Variants in CNTNAP5 observed in about 807,000 individuals in gnomAD.
CNTNAP5 encodes contactin associated protein family member 5.
A neutral mutation model predicts 150.2 loss-of-function variants in CNTNAP5; 72 were observed. That is an observed-to-expected ratio of 0.48 (90% CI 0.40 to 0.58). CNTNAP5 has a LOEUF of 0.58. Ranked by LOEUF, CNTNAP5 falls within the 20% of genes least tolerant of loss-of-function variation. The pLI is 0.00. For missense variants in CNTNAP5, 1,636 were observed against 1,626.2 expected (o/e 1.01, Z -0.10); for synonymous variants, 672 against 619.8 (o/e 1.08, Z -1.25).
intron 1 of CNTNAP5, among the ~76,000 whole-genome samples, chr2:124,079,906 C>G (rs549022847): frequency 6.6e-6 from 1 of 152,262 alleles, no homozygotes; most frequent in East Asian, 1.9e-4. Flanking sequence ...GTCTTCCTAT[C>G]CATAAAACAT....
chr2:124,850,670 A>C (rs908808666), intron 19 of CNTNAP5, among the ~76,000 whole-genome samples: 2 of 152,220 alleles, frequency 1.3e-5, no homozygotes, highest in Non-Finnish European at 1.5e-5. Flanking sequence ...TTGATAGAGA[A>C]GTTCCTAGAC....
At chr2:124,415,744 G>A (rs1229330370) in intron 3 of CNTNAP5, among the ~76,000 whole-genome samples, 3 of 152,146 alleles carry the variant, frequency 2.0e-5, no homozygotes, top group Admixed American at 6.5e-5. Flanking sequence ...TGATGAAAAC[G>A]TTCTGGGGAA....
intron 1 of CNTNAP5, among the ~76,000 whole-genome samples, chr2:124,187,125 C>G (rs1388549525): frequency 1.3e-5 from 2 of 151,658 alleles, no homozygotes; most frequent in Non-Finnish European, 2.9e-5. Context: ...CACAGTTCTT[C>G]AAATGCAATA....
chr2:124,568,492 C>T (rs1219116735), intron 11 of CNTNAP5, among the ~76,000 whole-genome samples: 1 of 152,164 alleles, frequency 6.6e-6, no homozygotes, highest in African/African-American at 2.4e-5. Context: ...AAAGCACTTT[C>T]CCCTAGAGAA....
At chr2:124,898,331 G>A (rs183463158) in intron 21 of CNTNAP5, among the ~76,000 whole-genome samples, 20 of 151,324 alleles carry the variant, frequency 1.3e-4, no homozygotes, top group Admixed American at 3.9e-4. Context: ...TGTTTTTAGC[G>A]AATTTCTGAT....
chr2:124,688,480 T>A (rs543001594), intron 13 of CNTNAP5, among the ~76,000 whole-genome samples: 2 of 152,064 alleles, frequency 1.3e-5, no homozygotes, highest in African/African-American at 4.8e-5. Context: ...ATGACTATTT[T>A]AGAAAAAGGA....
intron 10 of CNTNAP5, among the ~76,000 whole-genome samples, chr2:124,555,283 T>C (rs1695725891): frequency 6.6e-6 from 1 of 152,198 alleles, no homozygotes; most frequent in South Asian, 2.1e-4. Context: ...TGGAAACTTC[T>C]GGGCTTAAAA....
At position 124,891,060 on chromosome 2, in the gene CNTNAP5, A is replaced by C. The variant is rs145155467; in HGVS notation, c.3437-11822A>C. ...ACCACCTCATAATTTAGTAGCTTAA[A>C]CCAGTATCCATTTTATAATATCTCA... On this transcript the variant is annotated intron_variant, in intron 21 of 23. Transcript: ENST00000682447. 2.0e-5 allele frequency among the ~76,000 whole-genome samples: 3 copies of C among 152,210 alleles called. No individual in the cohort carries two copies. The East Asian group carries it at 5.8e-4, about 29-fold the overall frequency.
At chr2:124,092,719 G>C (rs948947216) in intron 1 of CNTNAP5, among the ~76,000 whole-genome samples, 1 of 152,198 alleles carries the variant, frequency 6.6e-6, no homozygotes, top group Non-Finnish European at 1.5e-5. Flanking sequence ...AGGCCATGGA[G>C]ACTGAGGTAC....
chr2:124,772,165 G>A (rs2104610552), intron 16 of CNTNAP5, among the ~76,000 whole-genome samples: 1 of 152,140 alleles, frequency 6.6e-6, no homozygotes, highest in Middle Eastern at 3.4e-3. Context: ...TCATCAGTAT[G>A]CTTACTTCTG....
chr2:124,080,269 T>A (rs1682530356), intron 1 of CNTNAP5, among the ~76,000 whole-genome samples: 1 of 152,326 alleles, frequency 6.6e-6, no homozygotes, highest in Admixed American at 6.5e-5. Context: ...GGAAAATTAA[T>A]GTAAAATATT....
At chr2:124,208,812 A>T (rs553617123) in intron 1 of CNTNAP5, among the ~76,000 whole-genome samples, 1 of 152,340 alleles carries the variant, frequency 6.6e-6, no homozygotes, top group South Asian at 2.1e-4. Context: ...CATGTTCTAA[A>T]TATCATTTCC....
At chr2:124,331,105 T>A (rs372462140) in intron 3 of CNTNAP5, among the ~76,000 whole-genome samples, 54 of 152,196 alleles carry the variant, frequency 3.5e-4, no homozygotes, top group East Asian at 2.5e-3. Flanking sequence ...AGACAACAGT[T>A]TATAATTAAT....
intron 3 of CNTNAP5, among the ~76,000 whole-genome samples, chr2:124,297,923 C>G (rs1688482392): frequency 6.6e-6 from 1 of 151,496 alleles, no homozygotes; most frequent in Non-Finnish European, 1.5e-5. Flanking sequence ...TGGCTCACTG[C>G]AACCTCCGCC....
At position 124,288,670 on chromosome 2, in the gene CNTNAP5, G is replaced by A. The variant is rs141289033; in HGVS notation, c.381+46277G>A. On this transcript the variant is annotated intron_variant, in intron 3 of 23. Coordinates refer to ENST00000682447, the MANE Select transcript of CNTNAP5 (RefSeq NM_001367498.1). ...ATTAAATTAAACCCTTGAAACCCCC[G>A]TCTCTCAAGTGATTTTCCACTCCCT... is the stretch of plus-strand genomic sequence containing the variant. Among the ~76,000 whole-genome samples, 622 of 152,092 alleles carry A rather than the reference G, an allele frequency of 4.1e-3. 2 individuals carry two copies. Among genetic ancestry groups the A allele is most frequent in the African/African-American group, 0.011 (440 of 41,494 alleles).
At chr2:124,120,236 C>G (rs1243549012) in intron 1 of CNTNAP5, among the ~76,000 whole-genome samples, 3 of 152,174 alleles carry the variant, frequency 2.0e-5, no homozygotes, top group Admixed American at 2.0e-4. Flanking sequence ...TGCTCCCCAA[C>G]CGAGGTCCTC....
chr2:124,533,562 C>G (rs1695161744), intron 10 of CNTNAP5, among the ~76,000 whole-genome samples: 1 of 152,160 alleles, frequency 6.6e-6, no homozygotes, highest in African/African-American at 2.4e-5. Flanking sequence ...CCTAGGGCCT[C>G]AAGCAGCTAC....
intron 3 of CNTNAP5, among the ~76,000 whole-genome samples, chr2:124,330,155 T>C (rs1001612792): frequency 6.6e-6 from 1 of 152,142 alleles, no homozygotes; most frequent in African/African-American, 2.4e-5. Flanking sequence ...AAATCCTTTA[T>C]TCAAGGTATG....
At chr2:124,601,576 G>A (rs1164793883) in intron 11 of CNTNAP5, among the ~76,000 whole-genome samples, 1 of 152,150 alleles carries the variant, frequency 6.6e-6, no homozygotes, top group Non-Finnish European at 1.5e-5. Context: ...CAGCCTATAC[G>A]GAGCAAAGAA....
Sources: allele counts gnomAD v4.1 joint callset (sites outside exome capture counted in the v4.1 genomes callset), GRCh38; gene constraint gnomAD v4.1.1; transcripts MANE v1.5; gene names NCBI Gene and HGNC (gene_info 2026-07-23, HGNC 2026-07-21).